Variants in JAKMIP3 observed in about 807,000 individuals in gnomAD.
The protein encoded by JAKMIP3 is Janus kinase and microtubule interacting protein 3, also known as janus kinase and microtubule-interacting protein 3.
In JAKMIP3, 58 loss-of-function variants were observed where a neutral mutation model predicts 118.5. That is an observed-to-expected ratio of 0.49 (90% confidence interval 0.40 to 0.61). The LOEUF (loss-of-function observed/expected upper bound fraction) is 0.61. JAKMIP3 is among the 20% of genes least tolerant of loss of function. The pLI, the probability that JAKMIP3 is intolerant of heterozygous loss-of-function variation, is 0.00. For synonymous variants in JAKMIP3, 486 were observed against 451.2 expected (o/e 1.08, Z -0.98); for missense variants, 950 against 1,109.0 (o/e 0.86, Z 2.04).
intron 23 of JAKMIP3, among the ~76,000 whole-genome samples, chr10:132,174,453 G>T (rs2818426): frequency 0.073 from 11,118 of 152,172 alleles, 498 homozygotes; most frequent in Middle Eastern, 0.13. Context: ...TGTGGGCTCC[G>T]TGGGTTTTCC....
chr10:132,137,380 C>T, intron 8 of JAKMIP3, 91 bp downstream of exon 8: 1 of 1,499,288 alleles, frequency 6.7e-7, no homozygotes, highest in Non-Finnish European at 9.2e-7. Context: ...CCTCACAGAC[C>T]AGACAGAAGC....
chr10:132,099,745 T>A (rs1247107774), intron 1 of JAKMIP3, among the ~76,000 whole-genome samples: 1 of 152,206 alleles, frequency 6.6e-6, no homozygotes, highest in Non-Finnish European at 1.5e-5. Context: ...CATTCACAAG[T>A]CCTCATCAGG....
Position 132,153,893 on chromosome 10 carries a change from A to G in JAKMIP3, c.2143-20A>G. ...CAGGTGGGACATCCGAGACCGAGGC[A>G]TGGCCCTCCTGTGTTTCAGGAGCTG... On this transcript the variant is annotated intron_variant, in intron 18 of 23. Transcript: ENST00000684848. The G allele has an allele frequency of 6.2e-7, 1 of 1,613,044 alleles. No individual in the cohort carries two copies. Among genetic ancestry groups the G allele is most frequent in the Non-Finnish European group, 8.5e-7 (1 of 1,179,766 alleles).
intron 2 of JAKMIP3, among the ~76,000 whole-genome samples, chr10:132,106,520 G>T (rs925573160): frequency 1.3e-5 from 2 of 152,150 alleles, no homozygotes; most frequent in African/African-American, 4.8e-5. Flanking sequence ...GTGGCCTGGA[G>T]GGGGGAGTGT....
Position 132,118,563 on chromosome 10 carries a change from C to T in JAKMIP3, c.633+989C>T, listed in dbSNP as rs1401193996. Among the ~76,000 whole-genome samples the T allele has an allele frequency of 2.0e-5, 3 of 152,216 alleles. No individual in the cohort carries two copies. The highest frequency in any genetic ancestry group is 7.2e-5 in the African/African-American group (3 of 41,452). ...TCCAGGGATGGCCTCCAGGCTGGGCCAGCATGTGGAACTCCCAGAGAGGGG... is the reference window on the plus strand; with the variant it reads ...TCCAGGGATGGCCTCCAGGCTGGGCTAGCATGTGGAACTCCCAGAGAGGGG... On this transcript the variant is annotated intron_variant, in intron 3 of 23. Transcript: ENST00000684848. The surrounding 1 kb of genome is among the most constrained non-coding windows in gnomAD (Gnocchi z 4.8).
At chr10:132,090,708 A>G (rs189524418) in intron 1 of JAKMIP3, among the ~76,000 whole-genome samples, 3 of 152,120 alleles carry the variant, frequency 2.0e-5, no homozygotes, top group East Asian at 1.9e-4. Flanking sequence ...ATCTCCTTCA[A>G]TTCTGCTCTG....
chr10:132,180,975 G>A lies in JAKMIP3; in HGVS notation c.*1104-1382G>A, dbSNP rs915125736. On this transcript the variant is annotated intron_variant, in intron 23 of 23. Transcript: ENST00000684848. ...CAGTGCATTTGTGCGTATTGTGTGG[G>A]CATGTGTGTGTAGTGTATTGTGTGT... Among the ~76,000 whole-genome samples, 4 of 150,062 alleles carry A rather than the reference G, an allele frequency of 2.7e-5. No individual in the cohort carries two copies. In the East Asian group the frequency reaches 7.7e-4, roughly 29 times the overall value.
Position 132,137,305 on chromosome 10 carries a change from G to A in JAKMIP3, c.1284+16G>A, listed in dbSNP as rs758474690. 2.5e-5 allele frequency: 40 copies of A among 1,613,564 alleles called. No homozygotes were observed. Among genetic ancestry groups the A allele is most frequent in the African/African-American group, 1.1e-4 (8 of 74,906 alleles). ...GAGCGTGTTAGTAAGTATGGTCAGC[G>A]CCCGCTTCCCCACGCCTCCGCTCCC... On this transcript the variant is annotated intron_variant, in intron 8 of 23. Transcript: ENST00000684848.
intron 14 of JAKMIP3, 105 bp downstream of exon 14, chr10:132,148,155 C>A: frequency 1.4e-6 from 1 of 692,834 alleles, no homozygotes. Context: ...TGAACATGAA[C>A]ATGAACCCAA....
chr10:132,050,543 CCAGCTT>C (rs1488907963), intron 1 of JAKMIP3, among the ~76,000 whole-genome samples: 1 of 152,152 alleles, frequency 6.6e-6, no homozygotes, highest in Non-Finnish European at 1.5e-5. Flanking sequence ...TTGGCACTCT[CCAGCTT>C]CATCTTCAAG....
At chr10:132,060,500 A>G (rs2038361194), upstream of JAKMIP3, among the ~76,000 whole-genome samples, 1 of 152,178 alleles carries the variant, frequency 6.6e-6, no homozygotes, top group Non-Finnish European at 1.5e-5. Flanking sequence ...TAACCTGAGG[A>G]AGGGAACCTA....
At chr10:132,109,061 CAT>C (rs2046393864) in intron 2 of JAKMIP3, among the ~76,000 whole-genome samples, 1 of 2,578 alleles carries the variant, frequency 3.9e-4, no homozygotes, top group Non-Finnish European at 1.5e-3. Flanking sequence ...CATACATGCA[CAT>C]ATACACACAT....
At chr10:132,154,922 G>A (rs372539729) in intron 19 of JAKMIP3, among the ~76,000 whole-genome samples, 2 of 12,812 alleles carry the variant, frequency 1.6e-4, no homozygotes, top group African/African-American at 2.7e-4. Context: ...GGTGGTGGTA[G>A]TGGGATGGTG....
intron 1 of JAKMIP3, among the ~76,000 whole-genome samples, chr10:132,098,351 T>C (rs1309931876): frequency 6.6e-6 from 1 of 152,110 alleles, no homozygotes; most frequent in African/African-American, 2.4e-5. Context: ...CAAAGTGAAA[T>C]GTGCTAGATT....
intron 1 of JAKMIP3, among the ~76,000 whole-genome samples, chr10:132,055,995 ATGACTCCACCTGGGGACACT>A (rs1324492675): frequency 2.0e-5 from 3 of 152,200 alleles, no homozygotes; most frequent in South Asian, 4.1e-4. Context: ...TGCTGTGAAC[ATGACTCCACCTGGGGACACT>A]TGAGTCCGCC....
Position 132,105,426 on chromosome 10 carries a change from G to A in JAKMIP3, c.135+483G>A, listed in dbSNP as rs2045749444. Among the ~76,000 whole-genome samples, 5 of 152,332 alleles carry A rather than the reference G, an allele frequency of 3.3e-5. No homozygotes were observed. In the South Asian group the frequency reaches 1.0e-3, roughly 32 times the overall value. ...CGTTAGCGAATGTGGAGATGCAGGG[G>A]CAAGCCCGGGGGATGGGGAGGCCCA... is the stretch of plus-strand genomic sequence containing the variant. On this transcript the variant is annotated intron_variant, in intron 2 of 23. Coordinates refer to ENST00000684848, the MANE Select transcript of JAKMIP3 (RefSeq NM_001323087.2).
intron 1 of JAKMIP3, among the ~76,000 whole-genome samples, chr10:132,057,878 A>G (rs1473608810): frequency 6.6e-6 from 1 of 152,192 alleles, no homozygotes; most frequent in African/African-American, 2.4e-5. Context: ...ATACACTAAT[A>G]ACGCACATAA....
chr10:132,180,592 T>C (rs1195675431), intron 23 of JAKMIP3, among the ~76,000 whole-genome samples: 1,367 of 22,726 alleles, frequency 0.06, 277 homozygotes, highest in Admixed American at 0.091. Flanking sequence ...TGCGCGTGTG[T>C]GTGTGCGTGC....
chr10:132,060,512 C>A (rs1239281631), upstream of JAKMIP3, among the ~76,000 whole-genome samples: 1 of 152,086 alleles, frequency 6.6e-6, no homozygotes, highest in Non-Finnish European at 1.5e-5. Context: ...GGGAACCTAC[C>A]AAAATCCTGC....
Sources: gnomAD v4.1 joint callset for allele counts (sites outside exome capture counted in the v4.1 genomes callset) on GRCh38, gnomAD v4.1.1 for gene constraint, Gnocchi (gnomAD v3.1) non-coding constraint, MANE v1.5 for transcripts, NCBI Gene and HGNC (gene_info 2026-07-23, HGNC 2026-07-21) for gene names.